The following NPY2R variants were observed in gnomAD, a reference collection of about 807,000 sequenced individuals.
NPY2R encodes neuropeptide Y receptor type 2.
Under a neutral mutation model 22.3 loss-of-function variants are expected in NPY2R, and 17 were observed. The observed-to-expected ratio is 0.76, with a 90% confidence interval of 0.52 to 1.14. The LOEUF is 1.14. Ranked by LOEUF, NPY2R falls within the 50% of genes most tolerant of loss-of-function variation. The pLI is 0.00. For synonymous variants in NPY2R, 209 were observed against 183.4 expected (o/e 1.14, Z -1.13); for missense variants, 424 against 467.9 (o/e 0.91, Z 0.87).
At chr4:155,206,005 G>C (rs28698045), upstream of NPY2R, among the ~76,000 whole-genome samples, 3,060 of 152,106 alleles carry the variant, frequency 0.02, 117 homozygotes, top group African/African-American at 0.069. Context: ...GATTTTTGCA[G>C]GCCAGCTGAG....
chr4:155,181,877 T>C, the NPY2R span, among the ~76,000 whole-genome samples: 8 of 152,084 alleles, frequency 5.3e-5, no homozygotes, highest in Admixed American at 2.0e-4. Flanking sequence ...ACACTCATGG[T>C]AGTGGGTCTT....
chr4:155,207,087 G>T (rs931938717), upstream of NPY2R: 2 of 152,102 alleles, frequency 1.3e-5, no homozygotes. Context: ...TATTTGAAAA[G>T]CCCAGGCTGC....
Position 155,214,089 on chromosome 4 carries a change from A to C in NPY2R, c.150A>C (p.Gln50His). The C allele has an allele frequency of 6.2e-7, 1 of 1,614,016 alleles. No homozygotes were observed. Among genetic ancestry groups the C allele is most frequent in the Non-Finnish European group, 8.5e-7 (1 of 1,179,916 alleles). ...ATAGTACCAAGCTGATTGAGGTACA[A>C]GTTGTTCTCATATTGGCCTACTGCT... Reference protein sequence around the residue: ...LIDSTKLIEVQVVLILAYCSI... With the variant: ...LIDSTKLIEVHVVLILAYCSI... Residue 50 changes from glutamine (Q) to histidine (H), a missense_variant, in exon 2 of 2, where the codon CAA becomes CAC. Gln to His is a conservative substitution (Grantham distance 24, BLOSUM62 0). Transcript: ENST00000329476.
chr4:155,178,775 T>C, the NPY2R span, among the ~76,000 whole-genome samples: 1 of 152,216 alleles, frequency 6.6e-6, no homozygotes, highest in Non-Finnish European at 1.5e-5. Context: ...AAATTACTTG[T>C]TCTGAAGTCT....
At chr4:155,179,720 CA>C in the NPY2R span, among the ~76,000 whole-genome samples, 1 of 152,290 alleles carries the variant, frequency 6.6e-6, no homozygotes, top group East Asian at 1.9e-4. Context: ...AGTCAAGACC[CA>C]ACAGGACCCC....
At chr4:155,199,815 T>C in the NPY2R span, among the ~76,000 whole-genome samples, 3 of 152,132 alleles carry the variant, frequency 2.0e-5, no homozygotes, top group African/African-American at 7.2e-5. Flanking sequence ...TGCAGAAAAC[T>C]GAAACTGGAC....
the NPY2R span, among the ~76,000 whole-genome samples, chr4:155,183,756 C>G: frequency 6.6e-6 from 1 of 152,130 alleles, no homozygotes; most frequent in African/African-American, 2.4e-5. Flanking sequence ...TGGACAAGAC[C>G]TCCTGCTCTG....
the NPY2R span, among the ~76,000 whole-genome samples, chr4:155,189,815 T>C: frequency 6.6e-6 from 1 of 152,144 alleles, no homozygotes; most frequent in African/African-American, 2.4e-5. Context: ...TTTCATTATT[T>C]ATAGGAATTC....
At chr4:155,211,999 T>C (rs1343071608) in intron 1 of NPY2R, among the ~76,000 whole-genome samples, 2 of 152,154 alleles carry the variant, frequency 1.3e-5, no homozygotes, top group Non-Finnish European at 2.9e-5. Context: ...TCCCAAGGAC[T>C]TGGAGCTTGA....
the NPY2R span, among the ~76,000 whole-genome samples, chr4:155,181,444 A>G: frequency 1.3e-5 from 2 of 152,096 alleles, no homozygotes; most frequent in African/African-American, 4.8e-5. Context: ...CTCTTTAAGG[A>G]TCTTCTGTAA....
the NPY2R span, among the ~76,000 whole-genome samples, chr4:155,174,484 A>ATATATATATATATATTTTT: frequency 2.2e-3 from 229 of 105,978 alleles, 3 homozygotes; most frequent in African/African-American, 7.1e-3. Context: ...ATATATATAT[A>ATATATATATATATATTTTT]TTTTTTTTTT....
chr4:155,193,627 G>T, the NPY2R span, among the ~76,000 whole-genome samples: 1 of 151,898 alleles, frequency 6.6e-6, no homozygotes, highest in Non-Finnish European at 1.5e-5. Flanking sequence ...GAGATGTGAG[G>T]TCCACCTAGG....
the NPY2R span, among the ~76,000 whole-genome samples, chr4:155,203,386 C>T: frequency 1.3e-5 from 2 of 152,072 alleles, no homozygotes; most frequent in Admixed American, 6.6e-5. Flanking sequence ...CTGGACTACT[C>T]GCTACAAATG....
chr4:155,205,804 GCTAT>G (rs3836609), upstream of NPY2R, among the ~76,000 whole-genome samples: 19,844 of 146,930 alleles, frequency 0.14, 1,350 homozygotes, highest in African/African-American at 0.17. Flanking sequence ...GAGTCAGGCT[GCTAT>G]CTATCTATCT....
At chr4:155,184,758 AATCT>A in the NPY2R span, among the ~76,000 whole-genome samples, 3,811 of 152,188 alleles carry the variant, frequency 0.025, 149 homozygotes, top group African/African-American at 0.087. Flanking sequence ...TTTATTGCAC[AATCT>A]ATTAGTCTAA....
At chr4:155,186,595 T>C in the NPY2R span, among the ~76,000 whole-genome samples, 1 of 152,206 alleles carries the variant, frequency 6.6e-6, no homozygotes, top group African/African-American at 2.4e-5. Context: ...TTTGTGTGTA[T>C]GGCAAGAGCA....
the NPY2R span, among the ~76,000 whole-genome samples, chr4:155,198,613 AT>A: frequency 2.7e-5 from 4 of 147,458 alleles, no homozygotes; most frequent in Non-Finnish European, 6.0e-5. Context: ...TTTGATATAT[AT>A]TTTTTTTCTG....
At chr4:155,213,334 C>T (rs1454888857) in intron 1 of NPY2R, among the ~76,000 whole-genome samples, 1 of 152,178 alleles carries the variant, frequency 6.6e-6, no homozygotes, top group Non-Finnish European at 1.5e-5. Context: ...ATTTTTAATA[C>T]TAAATCCTGC....
chr4:155,184,119 G>A, the NPY2R span, among the ~76,000 whole-genome samples: 2 of 152,080 alleles, frequency 1.3e-5, no homozygotes, highest in Non-Finnish European at 2.9e-5. Flanking sequence ...TCAAGGCTTA[G>A]CTATTATTCC....
Sources: allele counts gnomAD v4.1 joint callset (sites outside exome capture counted in the v4.1 genomes callset), GRCh38; gene constraint gnomAD v4.1.1; transcripts MANE v1.5; gene names NCBI Gene and HGNC (gene_info 2026-07-23, HGNC 2026-07-21).